ZNF608: variants seen among roughly 807,000 people sequenced by gnomAD.
ZNF608 encodes zinc finger protein 608, also known as renal carcinoma antigen NY-REN-36.
ZNF608 carries 12 observed loss-of-function variants against 109.0 expected under a neutral mutation model. The ratio of observed to expected loss-of-function variants is 0.11; its 90% CI spans 0.07 to 0.18. ZNF608 has a LOEUF of 0.18. ZNF608 is among the 10% of genes least tolerant of loss of function. ZNF608 has a pLI of 1.00. For missense variants in ZNF608, 1,707 were observed against 1,879.3 expected (o/e 0.91, Z 1.70); for synonymous variants, 732 against 717.4 (o/e 1.02, Z -0.33).
At chr5:124,675,113 A>T (rs1751887085) in intron 3 of ZNF608, among the ~76,000 whole-genome samples, 1 of 152,198 alleles carries the variant, frequency 6.6e-6, no homozygotes, top group East Asian at 1.9e-4. Context: ...TTTGAAGGAG[A>T]CTGCAACTCA....
chr5:124,723,645 G>A (rs1372898328), intron 2 of ZNF608, among the ~76,000 whole-genome samples: 1 of 152,130 alleles, frequency 6.6e-6, no homozygotes, highest in Admixed American at 6.5e-5. Flanking sequence ...CAGAGATCGT[G>A]CCACTGCACT....
intron 2 of ZNF608, among the ~76,000 whole-genome samples, chr5:124,735,913 G>T (rs1159523563): frequency 6.6e-6 from 1 of 152,056 alleles, no homozygotes; most frequent in Non-Finnish European, 1.5e-5. Context: ...AATTACTGAA[G>T]ATGTCAAACG....
In ZNF608 at chr5:124,662,396, G is replaced by A. The variant is rs961976491; in HGVS notation, c.1163-12699C>T. ...GGCTGATAAGTTCTGACCCCAGGTG[G>A]CACATCAGCCCTCTCAGAAGAGGCA... On this transcript the variant is annotated intron_variant, in intron 3 of 9. Transcript: ENST00000513986. 9.8e-5 allele frequency among the ~76,000 whole-genome samples: 15 copies of A among 152,310 alleles called. No homozygotes were observed. In the East Asian group the frequency reaches 2.5e-3, roughly 26 times the overall value.
At position 124,708,018 on chromosome 5, in the gene ZNF608, A is replaced by G. The variant is rs1185299040; in HGVS notation, c.907-6749T>C. 8 of 152,338 alleles carry G rather than the reference A, an allele frequency of 5.3e-5. 1 individual carries two copies. Among genetic ancestry groups the G allele is most frequent in the Admixed American group, 4.6e-4 (7 of 15,306 alleles). 9.4% of individuals were successfully genotyped at this position (152,338 alleles called of 1,614,324 possible). On this transcript the variant is annotated intron_variant, in intron 2 of 9. Transcript: ENST00000513986. ...TCTCACAAAGGGTCTAAGGTACCAGACTTTTTCCGCCTCCTTTAATTCTCA... is the reference window on the plus strand; with the variant it reads ...TCTCACAAAGGGTCTAAGGTACCAGGCTTTTTCCGCCTCCTTTAATTCTCA...
At chr5:124,740,312 C>A (rs1477039598) in intron 2 of ZNF608, among the ~76,000 whole-genome samples, 1 of 152,118 alleles carries the variant, frequency 6.6e-6, no homozygotes, top group East Asian at 1.9e-4. Flanking sequence ...AAGTAAGGAG[C>A]TGGATCAATG....
chr5:124,644,536 T>A lies in ZNF608; in HGVS notation c.3831A>T (p.Lys1277Asn), dbSNP rs1750408103. ...KEDSPRKTPN[K>N]ESGVPSLPVS... ...CAGGAAGGCTGGGCACACCACTCTC[T>A]TTATTAGGAGTTTTCCTCGGACTAT... The change falls in exon 6 of 10, where the codon AAA becomes AAT. Residue 1277 changes from lysine to asparagine, a missense_variant. Lys to Asn is a moderately conservative substitution (Grantham distance 94, BLOSUM62 0). Coordinates refer to ENST00000513986, the MANE Select transcript of ZNF608 (RefSeq NM_020747.3). 2 of 1,614,068 alleles carry A rather than the reference T, an allele frequency of 1.2e-6. No individual in the cohort carries two copies. The highest frequency in any genetic ancestry group is 1.7e-6 in the Non-Finnish European group (2 of 1,180,024).
chr5:124,744,322 T>C lies in ZNF608; in HGVS notation c.668A>G (p.Asn223Ser), dbSNP rs2149908748. ...DKHDLLQGHQNGSGSQAPSGG... is the reference protein window; with the variant it reads ...DKHDLLQGHQSGSGSQAPSGG... Reference sequence around the variant, plus strand: ...GGAAGGGGCCTGGCTGCCACTGCCATTCTGGTGGCCCTGAAGCAGGTCGTG... The same window carrying C: ...GGAAGGGGCCTGGCTGCCACTGCCACTCTGGTGGCCCTGAAGCAGGTCGTG... The change falls in exon 2 of 10, where the codon AAT becomes AGT. Residue 223 changes from asparagine to serine, a missense_variant. Coordinates refer to ENST00000513986, the MANE Select transcript of ZNF608 (RefSeq NM_020747.3). The surrounding 1 kb of genome is among the most constrained non-coding windows in gnomAD (Gnocchi z 4.5). 2 of 1,614,168 alleles carry C rather than the reference T, an allele frequency of 1.2e-6. No homozygotes were observed. The highest frequency in any genetic ancestry group is 1.3e-5 in the African/African-American group (1 of 75,064).
chr5:124,734,404 T>TA lies in ZNF608; in HGVS notation c.906+9679dup, dbSNP rs200484564. On this transcript the variant is annotated intron_variant, in intron 2 of 9. Coordinates refer to ENST00000513986, the MANE Select transcript of ZNF608 (RefSeq NM_020747.3). ...TAATCAGGGGGATCAACATCTTTGT[T>TA]AAAAAAAATCACTGAAAGAGAGGAA... 1.3e-3 allele frequency among the ~76,000 whole-genome samples: 202 copies of TA among 152,058 alleles called. 1 individual carries two copies. The East Asian group carries it at 0.017, about 13-fold the overall frequency.
At chr5:124,722,260 C>G (rs1753957197) in intron 2 of ZNF608, among the ~76,000 whole-genome samples, 1 of 152,158 alleles carries the variant, frequency 6.6e-6, no homozygotes, top group South Asian at 2.1e-4. Flanking sequence ...TTTATACACT[C>G]CCAAAACGTT....
intron 9 of ZNF608, chr5:124,638,928 A>G: frequency 1.3e-6 from 1 of 789,288 alleles, no homozygotes; most frequent in Admixed American, 3.1e-5. Context: ...TCAGTTAATT[A>G]CTAATCTATG....
chr5:124,687,122 TACACACGTAAACAG>T (rs1752439041), intron 3 of ZNF608, among the ~76,000 whole-genome samples: 1 of 152,238 alleles, frequency 6.6e-6, no homozygotes, highest in Non-Finnish European at 1.5e-5. Flanking sequence ...GTTATATTCA[TACACACGTAAACAG>T]ACTCAAAACT....
chr5:124,731,405 G>GT lies in ZNF608; in HGVS notation c.906+12678dup, dbSNP rs1363545249. On this transcript the variant is annotated intron_variant, in intron 2 of 9. Coordinates refer to ENST00000513986, the MANE Select transcript of ZNF608 (RefSeq NM_020747.3). ...TTTGTATTCTTTTAGTACAGACGGG[G>GT]TTTCACCATGTTGGTCAGGCTGGTC... Among the ~76,000 whole-genome samples, 90 of 152,154 alleles carry GT rather than the reference G, an allele frequency of 5.9e-4. 1 individual carries two copies. The highest frequency in any genetic ancestry group is 2.0e-3 in the African/African-American group (85 of 41,554).
At chr5:124,677,835 A>C (rs1007588168) in intron 3 of ZNF608, among the ~76,000 whole-genome samples, 1 of 152,146 alleles carries the variant, frequency 6.6e-6, no homozygotes, top group East Asian at 1.9e-4. Context: ...TTTGGTGGAC[A>C]CAGAGCACGA....
intron 3 of ZNF608, among the ~76,000 whole-genome samples, chr5:124,651,258 ATC>A (rs1750759703): frequency 1.3e-5 from 2 of 152,132 alleles, no homozygotes; most frequent in Non-Finnish European, 2.9e-5. Context: ...TTTGGTCAAA[ATC>A]TGCACAAGAC....
intron 3 of ZNF608, among the ~76,000 whole-genome samples, chr5:124,699,300 A>C (rs542212632): frequency 5.9e-5 from 9 of 152,314 alleles, no homozygotes; most frequent in African/African-American, 2.2e-4. Flanking sequence ...CTTGCTCCCC[A>C]CATGGGACCC....
At chr5:124,639,300 G>T in intron 8 of ZNF608, 86 bp from the exon 9 acceptor site, 1 of 1,106,606 alleles carries the variant, frequency 9.0e-7, no homozygotes, top group Non-Finnish European at 1.4e-6. Flanking sequence ...CGCAGACCTA[G>T]TAGCAGCATG....
At chr5:124,704,335 C>T (rs530883105) in intron 2 of ZNF608, among the ~76,000 whole-genome samples, 1 of 152,296 alleles carries the variant, frequency 6.6e-6, no homozygotes, top group Non-Finnish European at 1.5e-5. Flanking sequence ...AGAACTGCCA[C>T]TCCCATAGGT....
At chr5:124,706,240 A>G (rs761887929) in intron 2 of ZNF608, among the ~76,000 whole-genome samples, 5 of 152,180 alleles carry the variant, frequency 3.3e-5, no homozygotes, top group Non-Finnish European at 5.9e-5. Context: ...CGCTCTGGGG[A>G]ATCAGTGCCT....
In ZNF608 at chr5:124,744,658, G is replaced by A. The variant is rs1561599529; in HGVS notation, c.332C>T (p.Thr111Ile). The A allele has an allele frequency of 2.5e-6, 4 of 1,614,218 alleles. No homozygotes were observed. The highest frequency in any genetic ancestry group is 3.4e-6 in the Non-Finnish European group (4 of 1,180,046). The change falls in exon 2 of 10, where the codon ACT (threonine) becomes ATT (isoleucine). Residue 111 changes from threonine (T) to isoleucine (I), a missense_variant. This residue lies in a region of ZNF608 where 407 missense variants were observed against 398.7 expected (regional missense o/e 1.02). Transcript: ENST00000513986. The surrounding 1 kb of genome is among the most constrained non-coding windows in gnomAD (Gnocchi z 4.5). ...CAGAGATTTATTAGCATCCTTAGAA[G>A]TTTTACTCCTTTTCACTTTTGATTT... ...TSKSKVKRSK[T>I]SKDANKSLPS... is the part of the protein sequence containing the mutation.
Sources: gnomAD v4.1 joint callset for allele counts (sites outside exome capture counted in the v4.1 genomes callset) on GRCh38, gnomAD v4.1.1 for gene constraint, gnomAD v4.1.1 regional missense constraint, Gnocchi (gnomAD v3.1) non-coding constraint, MANE v1.5 for transcripts, NCBI Gene and HGNC (gene_info 2026-07-23, HGNC 2026-07-21) for gene names.